Variants in SUMF1 observed in about 807,000 individuals in gnomAD.
SUMF1 encodes the protein sulfatase modifying factor 1.
SUMF1 carries 48 observed loss-of-function variants against 47.6 expected under a neutral mutation model. The ratio of observed to expected loss-of-function variants is 1.01; its 90% confidence interval spans 0.80 to 1.28. SUMF1 has a LOEUF of 1.28. Ranked by LOEUF, SUMF1 falls within the 50% of genes most tolerant of loss-of-function variation. SUMF1 has a pLI of 0.00. For synonymous variants in SUMF1, 230 were observed against 192.1 expected (o/e 1.20, Z -1.63); for missense variants, 571 against 485.4 (o/e 1.18, Z -1.66).
intron 8 of SUMF1, chr3:4,317,164 C>A: frequency 6.5e-7 from 1 of 1,549,560 alleles, no homozygotes. Flanking sequence ...TCCCAAAGCA[C>A]GGATTTTTAC....
intron 8 of SUMF1, among the ~76,000 whole-genome samples, chr3:4,367,026 A>G (rs1336179150): frequency 5.9e-5 from 9 of 152,178 alleles, no homozygotes; most frequent in Non-Finnish European, 1.3e-4. Context: ...TGGCTGCAGA[A>G]CAGCAGATTT....
Position 4,066,199 on chromosome 3 carries a change from T to A in SUMF1, c.1191+2370A>T, listed in dbSNP as rs533093434. On this transcript the variant is annotated intron_variant and NMD_transcript_variant, in intron 9 of 12. Transcript: ENST00000448413. ...CTCCCCCATCATTTACTGTTATTTT[T>A]AATTCAAAAATTGCAAAAATGCCAA... 1.6e-4 allele frequency among the ~76,000 whole-genome samples: 25 copies of A among 152,170 alleles called. No individual in the cohort carries two copies. In the South Asian group the frequency reaches 5.2e-3, roughly 32 times the overall value.
chr3:4,338,174 C>T (rs141761615), intron 8 of SUMF1, among the ~76,000 whole-genome samples: 29 of 152,108 alleles, frequency 1.9e-4, no homozygotes, highest in Admixed American at 6.5e-4. Flanking sequence ...GTGAAGCAGG[C>T]GGAGGATGGC....
chr3:4,252,079 T>C (rs565362678), intron 8 of SUMF1, among the ~76,000 whole-genome samples: 2 of 152,336 alleles, frequency 1.3e-5, no homozygotes, highest in East Asian at 3.9e-4. Context: ...GTAGTTTCCA[T>C]CTTAATTTCC....
chr3:4,191,773 G>A (rs1695319723), intron 8 of SUMF1, among the ~76,000 whole-genome samples: 1 of 152,110 alleles, frequency 6.6e-6, no homozygotes, highest in African/African-American at 2.4e-5. Flanking sequence ...GACAAAAAGA[G>A]GAACAGATTT....
chr3:4,172,752 G>A lies in SUMF1; in HGVS notation c.1015-104007C>T, dbSNP rs369841636. Among the ~76,000 whole-genome samples, 23 of 151,884 alleles carry A rather than the reference G, an allele frequency of 1.5e-4. 1 individual carries two copies. Among genetic ancestry groups the A allele is most frequent in the East Asian group, 7.7e-4 (4 of 5,188 alleles). ...TTTGTTTAACTTCCTTATAGATTCC[G>A]GATATTAGCCCTTTGTCAGATTGAT... On this transcript the variant is annotated intron_variant and NMD_transcript_variant, in intron 8 of 12. Coordinates refer to the SUMF1 transcript ENST00000448413.
In SUMF1 at chr3:4,452,956, C is replaced by A; in HGVS notation, c.364G>T (p.Asp122Tyr). The A allele has an allele frequency of 6.2e-7, 1 of 1,614,146 alleles. No homozygotes were observed. Among genetic ancestry groups the A allele is most frequent in the Non-Finnish European group, 8.5e-7 (1 of 1,180,042 alleles). Residue 122 changes from aspartate to tyrosine, a missense_variant, in exon 2 of 9, where the codon GAT becomes TAT. Physicochemically the swap from Asp to Tyr is radical, Grantham distance 160. Transcript: ENST00000272902. ...GEAPARRVTI[D>Y]AFYMDAYEVS... ...TCATAGGCATCCATGTAAAAGGCAT[C>A]AATAGTAACTCTCCTCGCAGGTGCT...
chr3:4,206,845 G>A (rs1249273168), intron 8 of SUMF1, among the ~76,000 whole-genome samples: 1 of 151,622 alleles, frequency 6.6e-6, no homozygotes, highest in Non-Finnish European at 1.5e-5. Flanking sequence ...TAGGTACTCT[G>A]CATTTCCACT....
intron 8 of SUMF1, among the ~76,000 whole-genome samples, chr3:4,234,309 A>G (rs1407060589): frequency 6.6e-6 from 1 of 152,054 alleles, no homozygotes; most frequent in Non-Finnish European, 1.5e-5. Flanking sequence ...CTGATTTATC[A>G]AAAGTCAAAG....
chr3:4,239,076 G>A lies in SUMF1; in HGVS notation c.1014+137254C>T, dbSNP rs922332641. 1.5e-3 allele frequency among the ~76,000 whole-genome samples: 231 copies of A among 152,244 alleles called. 3 individuals are homozygous for A. The highest frequency in any genetic ancestry group is 4.7e-4 in the Non-Finnish European group (32 of 68,004). On this transcript the variant is annotated intron_variant and NMD_transcript_variant, in intron 8 of 12. Transcript: ENST00000448413. ...TTTTTGCCAGGTTTGTCAAAGATCA[G>A]ATGGTTGTAGATGTGTCGCATTATT...
At chr3:4,241,748 G>C (rs1461538000) in intron 8 of SUMF1, among the ~76,000 whole-genome samples, 1 of 152,130 alleles carries the variant, frequency 6.6e-6, no homozygotes, top group Non-Finnish European at 1.5e-5. Context: ...GTGGGTTTAG[G>C]AGCAGCAGTT....
intron 7 of SUMF1, among the ~76,000 whole-genome samples, chr3:4,404,951 G>A (rs1013638858): frequency 3.9e-5 from 6 of 152,284 alleles, no homozygotes; most frequent in Non-Finnish European, 7.4e-5. Flanking sequence ...GGAGAAAGAT[G>A]ATATGATATT....
rs948917705 is a variant in SUMF1 at position 4,037,865 on chromosome 3, G to A, written c.1191+30704C>T. 2.2e-4 allele frequency among the ~76,000 whole-genome samples: 34 copies of A among 152,128 alleles called. 1 individual carries two copies. Among genetic ancestry groups the A allele is most frequent in the African/African-American group, 6.8e-4 (28 of 41,438 alleles). On this transcript the variant is annotated intron_variant and NMD_transcript_variant, in intron 9 of 12. Transcript: ENST00000448413. Reference sequence around the variant, plus strand: ...TGTGTTCACAGGGCCAAGGCTTTGCGCAGGGTCTTTATTTGTAACTGACAT... The same window carrying A: ...TGTGTTCACAGGGCCAAGGCTTTGCACAGGGTCTTTATTTGTAACTGACAT...
chr3:4,247,396 A>G (rs1213824833), intron 8 of SUMF1, among the ~76,000 whole-genome samples: 1 of 152,226 alleles, frequency 6.6e-6, no homozygotes, highest in Non-Finnish European at 1.5e-5. Flanking sequence ...TTACCAATAA[A>G]CATTTCTATG....
intron 8 of SUMF1, among the ~76,000 whole-genome samples, chr3:4,124,318 A>G (rs1460579712): frequency 6.6e-6 from 1 of 152,142 alleles, no homozygotes; most frequent in African/African-American, 2.4e-5. Flanking sequence ...ATTTTTCTAT[A>G]TCTTGGAAAG....
intron 7 of SUMF1, among the ~76,000 whole-genome samples, chr3:4,404,164 A>C (rs1701302124): frequency 1.3e-5 from 2 of 152,234 alleles, no homozygotes; most frequent in Admixed American, 1.3e-4. Flanking sequence ...TGGATGAAGA[A>C]CCTTGCAACT....
At chr3:4,087,445 G>A (rs1171633885) in intron 8 of SUMF1, among the ~76,000 whole-genome samples, 1 of 152,118 alleles carries the variant, frequency 6.6e-6, no homozygotes, top group Non-Finnish European at 1.5e-5. Context: ...GTCACCTAAA[G>A]CTCAGTAAAA....
chr3:4,254,237 A>C lies in SUMF1; in HGVS notation c.1014+122093T>G, dbSNP rs373427295. Among the ~76,000 whole-genome samples, 145 of 152,022 alleles carry C rather than the reference A, an allele frequency of 9.5e-4. 1 individual carries two copies. The highest frequency in any genetic ancestry group is 6.8e-3 in the Middle Eastern group (2 of 294). On this transcript the variant is annotated intron_variant and NMD_transcript_variant, in intron 8 of 12. Coordinates refer to the SUMF1 transcript ENST00000448413. ...TCCTCCAAAGGAACACAGTTCCTCA[A>C]CAGCAACGGAACAAAGCTGGATGGA...
At chr3:4,455,597 A>AGGCAGCC (rs1703134389) in intron 1 of SUMF1, among the ~76,000 whole-genome samples, 3 of 152,156 alleles carry the variant, frequency 2.0e-5, no homozygotes, top group Non-Finnish European at 2.9e-5. Context: ...CACGCCTGTA[A>AGGCAGCC]TCCCAGCCAC....
Sources: allele counts gnomAD v4.1 joint callset (sites outside exome capture counted in the v4.1 genomes callset), GRCh38; gene constraint gnomAD v4.1.1; transcripts MANE v1.5; gene names NCBI Gene and HGNC (gene_info 2026-07-23, HGNC 2026-07-21).